The following PLCL2 variants were observed in gnomAD, a reference collection of about 807,000 sequenced individuals.
The protein encoded by PLCL2 is phospholipase C like 2.
PLCL2 carries 4 observed loss-of-function variants against 79.6 expected under a neutral mutation model. The ratio of observed to expected loss-of-function variants is 0.05; its 90% confidence interval spans 0.02 to 0.11. The LOEUF (loss-of-function observed/expected upper bound fraction) is 0.11. PLCL2 is among the 10% of genes least tolerant of loss of function. The pLI is 1.00. For synonymous variants in PLCL2, 484 were observed against 457.7 expected (o/e 1.06, Z -0.73); for missense variants, 895 against 1,291.0 (o/e 0.69, Z 4.70).
In PLCL2 at chr3:16,885,168, C is replaced by T. The variant is rs112750130; in HGVS notation, c.129C>T (p.Gly43=). 4 of 545,592 alleles carry T rather than the reference C, an allele frequency of 7.3e-6. 1 individual carries two copies. The highest frequency in any genetic ancestry group is 6.7e-5 in the Admixed American group (2 of 29,824). 33.8% of individuals were successfully genotyped at this position (545,592 alleles called of 1,614,324 possible). A position where few individuals can be genotyped will look rare whatever the true frequency, so the allele number is the denominator to read the frequency against. Residue 43 remains glycine (G), a synonymous_variant, in exon 1 of 6, where the codon GGC becomes GGT. Coordinates refer to ENST00000615277, the MANE Select transcript of PLCL2 (RefSeq NM_001144382.2). ...GEGGGGGGRL[G]HGRARYDSGG... ...GCGGTGGCGGGGGAGGTCGCCTCGG[C>T]CACGGGCGGGCGCGCTATGACAGCG...
intron 5 of PLCL2, among the ~76,000 whole-genome samples, chr3:17,087,132 T>C (rs1381731539): frequency 6.6e-6 from 1 of 152,208 alleles, no homozygotes; most frequent in Non-Finnish European, 1.5e-5. Context: ...TCTTACCATA[T>C]GATCCAGCGA....
chr3:16,956,551 G>A (rs1559497859), intron 1 of PLCL2, among the ~76,000 whole-genome samples: 1 of 152,210 alleles, frequency 6.6e-6, no homozygotes, highest in Non-Finnish European at 1.5e-5. Flanking sequence ...CATAAAATGA[G>A]TTAGGCAGGA....
intron 1 of PLCL2, among the ~76,000 whole-genome samples, chr3:16,992,770 A>T (rs2124996904): frequency 1.3e-5 from 2 of 152,334 alleles, no homozygotes; most frequent in East Asian, 3.9e-4. Context: ...TGGATTAAGG[A>T]TCCATGCCCA....
intron 1 of PLCL2, among the ~76,000 whole-genome samples, chr3:16,916,528 A>G (rs1021477330): frequency 1.7e-4 from 26 of 152,202 alleles, no homozygotes; most frequent in African/African-American, 6.3e-4. Flanking sequence ...TATTGCCAAA[A>G]CTCCAGGAAT....
chr3:16,930,650 C>T (rs553088065), intron 1 of PLCL2, among the ~76,000 whole-genome samples: 11 of 152,112 alleles, frequency 7.2e-5, no homozygotes, highest in Non-Finnish European at 1.0e-4. Context: ...ACAAGTGATA[C>T]TTCTGTAAAC....
chr3:17,072,150 C>CTTTAAAAATT (rs2065066063), intron 5 of PLCL2, among the ~76,000 whole-genome samples: 1 of 151,962 alleles, frequency 6.6e-6, no homozygotes, highest in Non-Finnish European at 1.5e-5. Context: ...TATAATTGTT[C>CTTTAAAAATT]TTTAAAAATT....
intron 5 of PLCL2, among the ~76,000 whole-genome samples, chr3:17,076,997 A>G (rs565505035): frequency 7.9e-5 from 12 of 152,224 alleles, no homozygotes; most frequent in African/African-American, 2.9e-4. Flanking sequence ...TATATTCACA[A>G]TAGCCGTTTT....
chr3:16,954,286 T>C (rs571884948), intron 1 of PLCL2, among the ~76,000 whole-genome samples: 12 of 152,286 alleles, frequency 7.9e-5, no homozygotes, highest in African/African-American at 2.6e-4. Context: ...GTTTGGTTTT[T>C]TGTCCTTGCG....
At chr3:17,068,205 T>A in intron 5 of PLCL2, 140 bp downstream of exon 5, 1 of 583,752 alleles carries the variant, frequency 1.7e-6, no homozygotes, top group Non-Finnish European at 3.1e-6. Flanking sequence ...CATGAAGAAC[T>A]CTGCCCTTCT....
At chr3:17,006,124 A>G (rs931570384) in intron 1 of PLCL2, among the ~76,000 whole-genome samples, 1 of 152,232 alleles carries the variant, frequency 6.6e-6, no homozygotes, top group African/African-American at 2.4e-5. Flanking sequence ...AATAATCTTC[A>G]TTATTTAGTT....
chr3:16,913,836 AAG>A (rs1472472890), intron 1 of PLCL2, among the ~76,000 whole-genome samples: 1 of 152,208 alleles, frequency 6.6e-6, no homozygotes, highest in African/African-American at 2.4e-5. Context: ...TTATGGAAGA[AAG>A]ATCTGCCTGT....
At chr3:16,995,418 G>C (rs1414770992) in intron 1 of PLCL2, among the ~76,000 whole-genome samples, 1 of 152,184 alleles carries the variant, frequency 6.6e-6, no homozygotes, top group Non-Finnish European at 1.5e-5. Flanking sequence ...CCAGGAACGT[G>C]CACTCTCAGG....
chr3:16,969,181 A>G (rs2063834187), intron 1 of PLCL2, among the ~76,000 whole-genome samples: 1 of 152,154 alleles, frequency 6.6e-6, no homozygotes, highest in Non-Finnish European at 1.5e-5. Flanking sequence ...TATGTTCATC[A>G]AGGATATTGG....
intron 3 of PLCL2, among the ~76,000 whole-genome samples, chr3:17,041,117 A>G (rs578140954): frequency 1.3e-5 from 2 of 152,354 alleles, no homozygotes; most frequent in South Asian, 4.1e-4. Context: ...ATGTAATGGT[A>G]CAAACGACTT....
chr3:16,896,402 A>C (rs949002481), intron 1 of PLCL2, among the ~76,000 whole-genome samples: 3 of 152,180 alleles, frequency 2.0e-5, no homozygotes, highest in Non-Finnish European at 4.4e-5. Context: ...CCTGGGTGGA[A>C]AGTTGACACA....
intron 1 of PLCL2, among the ~76,000 whole-genome samples, chr3:16,963,199 G>A (rs920481861): frequency 2.0e-5 from 3 of 151,976 alleles, no homozygotes; most frequent in Non-Finnish European, 4.4e-5. Flanking sequence ...AGGGTATAGT[G>A]ACCTAATACA....
intron 4 of PLCL2, among the ~76,000 whole-genome samples, chr3:17,059,848 T>G (rs2064930511): frequency 6.6e-6 from 1 of 152,082 alleles, no homozygotes; most frequent in African/African-American, 2.4e-5. Flanking sequence ...CTGTTGAAAA[T>G]TAAAATCGGA....
At position 17,029,360 on chromosome 3, in the gene PLCL2, AAAG is replaced by A. The variant is rs370832738; in HGVS notation, c.3019-13511_3019-13509del. Among the ~76,000 whole-genome samples the A allele has an allele frequency of 6.6e-3, 997 of 151,638 alleles. 15 individuals carry two copies. Among genetic ancestry groups the A allele is most frequent in the African/African-American group, 0.023 (951 of 41,202 alleles). ...ATGCCCTTAAAAAAAAGAAAGAAAG[AAAG>A]AAAAAAAAAAACAACTGTATAGAAG... On this transcript the variant is annotated intron_variant, in intron 3 of 5. Coordinates refer to ENST00000615277, the MANE Select transcript of PLCL2 (RefSeq NM_001144382.2).
intron 1 of PLCL2, among the ~76,000 whole-genome samples, chr3:16,974,335 T>A (rs910249417): frequency 5.9e-5 from 9 of 152,076 alleles, no homozygotes; most frequent in Admixed American, 5.9e-4. Context: ...TAGGAGGCCA[T>A]TGGATGACCT....
Sources: allele counts gnomAD v4.1 joint callset (sites outside exome capture counted in the v4.1 genomes callset), GRCh38; gene constraint gnomAD v4.1.1; transcripts MANE v1.5; gene names NCBI Gene and HGNC (gene_info 2026-07-23, HGNC 2026-07-21).